CD200: variants seen among roughly 807,000 people sequenced by gnomAD.
The protein encoded by CD200 is OX-2 membrane glycoprotein.
CD200 carries 15 observed loss-of-function variants against 30.9 expected under a neutral mutation model. The ratio of observed to expected loss-of-function variants is 0.49; its 90% confidence interval spans 0.32 to 0.75. The LOEUF (loss-of-function observed/expected upper bound fraction) is 0.75, where lower values mean the gene tolerates loss of function less well. Ranked by LOEUF, CD200 falls within the 30% of genes least tolerant of loss-of-function variation. The pLI is 0.03. For synonymous variants in CD200, 134 were observed against 126.2 expected, an observed-to-expected ratio of 1.06 and a Z score of -0.41; for missense variants, 262 against 324.2, an observed-to-expected ratio of 0.81 and a Z score of 1.47.
At chr3:112,359,177 ACTT>A (rs1037987506) in intron 5 of CD200, among the ~76,000 whole-genome samples, 2 of 152,198 alleles carry the variant, frequency 1.3e-5, no homozygotes, top group African/African-American at 4.8e-5. Context: ...GAAAGGAAAA[ACTT>A]CTTCAGACCA....
chr3:112,355,559 A>G (rs993729335), intron 5 of CD200, among the ~76,000 whole-genome samples: 1 of 152,176 alleles, frequency 6.6e-6, no homozygotes, highest in East Asian at 1.9e-4. Flanking sequence ...ATTTATCACT[A>G]TGTGTGGTGA....
At position 112,347,743 on chromosome 3, in the gene CD200, G is replaced by A; in HGVS notation, c.607G>A (p.Asp203Asn). 6.2e-7 allele frequency: 1 copy of A among 1,613,982 alleles called. No individual in the cohort carries two copies. Among genetic ancestry groups the A allele is most frequent in the East Asian group, 2.2e-5 (1 of 44,876 alleles). ...TGTTACCAGCATCCTCCATATCAAA[G>A]ACCCTAAGAATCAGGTGGGGAAGGA... The part of the protein sequence containing the change: ...TSVTSILHIK[D>N]PKNQVGKEVI... The change falls in exon 4 of 6, where the codon GAC becomes AAC. Residue 203 changes from aspartate to asparagine, a missense_variant. By Grantham distance (23) the Asp-to-Asn change is conservative. Transcript: ENST00000315711.
chr3:112,338,023 A>T (rs917308542), intron 1 of CD200, among the ~76,000 whole-genome samples: 7 of 152,192 alleles, frequency 4.6e-5, no homozygotes, highest in African/African-American at 2.4e-5. Flanking sequence ...ATGCTTTTTT[A>T]AAAAATATAT....
At chr3:112,346,071 A>C (rs1023050641) in intron 3 of CD200, among the ~76,000 whole-genome samples, 1 of 152,046 alleles carries the variant, frequency 6.6e-6, no homozygotes, top group Non-Finnish European at 1.5e-5. Context: ...TATTGCCCAC[A>C]GGGAAGAAAA....
At position 112,361,581 on chromosome 3, in the gene CD200, C is replaced by T; in HGVS notation, c.*31C>T. 1 of 1,596,132 alleles carries T rather than the reference C, an allele frequency of 6.3e-7. No individual in the cohort carries two copies. The highest frequency in any genetic ancestry group is 1.3e-5 in the African/African-American group (1 of 74,614). ...TCACACAGCACCCTGAAAGTGATTC[C>T]CTGGTCTACTTGAATTTGACACAAG... On this transcript the variant is annotated 3_prime_UTR_variant, in exon 6 of 6. Coordinates refer to ENST00000315711, the MANE Select transcript of CD200 (RefSeq NM_005944.7).
intron 1 of CD200, chr3:112,335,842 T>C: frequency 1.2e-6 from 1 of 835,958 alleles, no homozygotes; most frequent in Non-Finnish European, 2.1e-6. Flanking sequence ...ACAGCTCTGG[T>C]GCTCAACACA....
chr3:112,358,371 GA>G lies in CD200; in HGVS notation c.803-3171del, dbSNP rs201038030. ...AGCAGTCTTGGGAGAAATTTGTGGGGACCCACTGGGGAGACAGAATCAGAAA... is the reference window on the plus strand; with the variant it reads ...AGCAGTCTTGGGAGAAATTTGTGGGGCCCACTGGGGAGACAGAATCAGAAA... On this transcript the variant is annotated intron_variant, in intron 5 of 5. Transcript: ENST00000315711. 6.4e-3 allele frequency among the ~76,000 whole-genome samples: 968 copies of G among 151,456 alleles called. 8 individuals are homozygous for G. The highest frequency in any genetic ancestry group is 0.023 in the African/African-American group (935 of 41,326).
chr3:112,341,718 C>T (rs530017184), intron 2 of CD200, among the ~76,000 whole-genome samples: 3 of 152,224 alleles, frequency 2.0e-5, no homozygotes, highest in South Asian at 2.1e-4. Context: ...TGTAAATTTC[C>T]CCTAAATGAT....
In CD200 at chr3:112,333,240, G is replaced by T; in HGVS notation, c.12+16G>T. 2 of 1,549,362 alleles carry T rather than the reference G, an allele frequency of 1.3e-6. No individual in the cohort carries two copies. On this transcript the variant is annotated intron_variant, in intron 1 of 5. Coordinates refer to ENST00000315711, the MANE Select transcript of CD200 (RefSeq NM_005944.7). ...GGAGAGGCTGGTGAGCGGGGCCGGG[G>T]CTTGGGAAGGAGGGCGCAGGGCAGG... is the stretch of plus-strand genomic sequence containing the variant.
chr3:112,342,342 T>C (rs867824010), intron 2 of CD200, among the ~76,000 whole-genome samples: 644 of 8,100 alleles, frequency 0.08, 47 homozygotes, highest in Middle Eastern at 0.12. Flanking sequence ...TCTTTCCTTC[T>C]TTCTTTCTTT....
At chr3:112,350,549 C>G (rs1296596001) in intron 5 of CD200, among the ~76,000 whole-genome samples, 2 of 152,036 alleles carry the variant, frequency 1.3e-5, no homozygotes, top group African/African-American at 2.4e-5. Context: ...GAGCAGTGAG[C>G]TAGATAGAGA....
intron 4 of CD200, 99 bp from the exon 5 acceptor site, chr3:112,349,613 T>C: frequency 2.5e-6 from 2 of 811,460 alleles, no homozygotes; most frequent in Non-Finnish European, 3.8e-6. Context: ...TACATATGTA[T>C]GTATTTAAGG....
intron 5 of CD200, among the ~76,000 whole-genome samples, chr3:112,357,274 AG>A (rs67336846): frequency 1.6e-4 from 21 of 128,800 alleles, no homozygotes; most frequent in South Asian, 2.3e-4. Flanking sequence ...AAAAAAAAAA[AG>A]AAAGAAAGAA....
intron 2 of CD200, among the ~76,000 whole-genome samples, chr3:112,341,279 T>G (rs1170481871): frequency 1.3e-5 from 2 of 152,238 alleles, no homozygotes; most frequent in Non-Finnish European, 2.9e-5. Context: ...TTACAAATAA[T>G]GATTTCCTCT....
intron 2 of CD200, among the ~76,000 whole-genome samples, chr3:112,342,504 C>T (rs527369293): frequency 7.3e-5 from 11 of 151,294 alleles, no homozygotes; most frequent in African/African-American, 2.2e-4. Context: ...CTCACTGCAA[C>T]CTCTGCCTCT....
chr3:112,341,010 G>T (rs746762682), intron 2 of CD200, 27 bp downstream of exon 2: 1 of 1,476,336 alleles, frequency 6.8e-7, no homozygotes, highest in Non-Finnish European at 9.5e-7. Flanking sequence ...CCCCTGCTTG[G>T]AGCCCAGCAA....
intron 5 of CD200, among the ~76,000 whole-genome samples, chr3:112,351,874 G>C (rs975666349): frequency 3.3e-5 from 5 of 152,176 alleles, no homozygotes; most frequent in African/African-American, 1.2e-4. Context: ...AGTGTGTGCA[G>C]AGATCAGATG....
intron 3 of CD200, among the ~76,000 whole-genome samples, chr3:112,345,760 C>T (rs2081373092): frequency 1.3e-5 from 2 of 152,178 alleles, no homozygotes; most frequent in African/African-American, 4.8e-5. Context: ...TATGATTGTC[C>T]TTCTCATTTT....
chr3:112,350,151 A>G (rs947105680), intron 5 of CD200, among the ~76,000 whole-genome samples: 3 of 152,166 alleles, frequency 2.0e-5, no homozygotes, highest in African/African-American at 7.2e-5. Flanking sequence ...TTCTCTTTTT[A>G]TAGCACTTCA....
Sources: gnomAD v4.1 joint callset for allele counts (sites outside exome capture counted in the v4.1 genomes callset) on GRCh38, gnomAD v4.1.1 for gene constraint, MANE v1.5 for transcripts, NCBI Gene and HGNC (gene_info 2026-07-23, HGNC 2026-07-21) for gene names.